The following RND3 variants were observed in gnomAD, a reference collection of about 807,000 sequenced individuals.
The protein encoded by RND3 is rho-related GTP-binding protein RhoE.
Under a neutral mutation model 26.5 loss-of-function variants are expected in RND3, and 8 were observed. The observed-to-expected ratio is 0.30, with a 90% CI of 0.18 to 0.54. The LOEUF is 0.54. Ranked by LOEUF, RND3 falls within the 20% of genes least tolerant of loss-of-function variation. RND3 has a pLI of 0.94. For missense variants in RND3, 207 were observed against 302.8 expected (o/e 0.68, Z 2.35); for synonymous variants, 113 against 113.0 (o/e 1.00, Z 0.00).
At position 150,474,139 on chromosome 2, in the gene RND3, C is replaced by T. The variant is rs188096318; in HGVS notation, c.348+736G>A. ...GTCTCAACTGCTGAAGGTCAAGAAA[C>T]GCCCCTTCCTCCCACTGGCCTCCCT... On this transcript the variant is annotated intron_variant, in intron 4 of 5. Coordinates refer to ENST00000263895, the MANE Select transcript of RND3 (RefSeq NM_005168.5). 7.9e-5 allele frequency among the ~76,000 whole-genome samples: 12 copies of T among 152,294 alleles called. No homozygotes were observed. The South Asian group carries it at 1.0e-3, about 13-fold the overall frequency.
At chr2:150,476,296 C>G (rs1254804247) in intron 3 of RND3, among the ~76,000 whole-genome samples, 1 of 152,192 alleles carries the variant, frequency 6.6e-6, no homozygotes, top group Non-Finnish European at 1.5e-5. Context: ...GAAAAAATGT[C>G]ACTGTTTATA....
At chr2:150,483,222 G>T (rs992920126) in intron 3 of RND3, among the ~76,000 whole-genome samples, 4 of 152,130 alleles carry the variant, frequency 2.6e-5, no homozygotes, top group African/African-American at 9.7e-5. Flanking sequence ...GGCAAAAGTA[G>T]ACCCCTTATG....
chr2:150,487,474 A>AAAAAAAAAAATATATATATAT lies in RND3; in HGVS notation c.-38-20_-38-19insATATATATATATTTTTTTTTT. On this transcript the variant is annotated intron_variant, in intron 1 of 5. Transcript: ENST00000263895. ...ATTTTCTCTTAAGAAGAAAAAAAAA[A>AAAAAAAAAAATATATATATAT]ATATATATATATATATATATTTCTC... 5 of 196,036 alleles carry AAAAAAAAAAATATATATATAT rather than the reference A, an allele frequency of 2.6e-5. No individual in the cohort carries two copies. Among genetic ancestry groups the AAAAAAAAAAATATATATATAT allele is most frequent in the Non-Finnish European group, 2.7e-5 (3 of 111,030 alleles). The allele number at this position is 196,036 out of a possible 1,614,324, so 12.1% of individuals were successfully genotyped here.
At position 150,469,726 on chromosome 2, in the gene RND3, C is replaced by T. The variant is rs1686051103; in HGVS notation, c.*261G>A. On this transcript the variant is annotated 3_prime_UTR_variant, in exon 6 of 6. Transcript: ENST00000263895. ...GGTACTCGCATCCCCCCTCATCTTC[C>T]TCTAGCTCATTTGTATCTCTCATTT... is the stretch of plus-strand genomic sequence containing the variant. 6.8e-6 allele frequency: 3 copies of T among 439,024 alleles called. 1 individual carries two copies. The East Asian group carries it at 1.1e-4, about 17-fold the overall frequency. 27.2% of individuals were successfully genotyped at this position (439,024 alleles called of 1,614,324 possible).
chr2:150,487,425 G>A lies in RND3; in HGVS notation c.-8C>T. 7.0e-7 allele frequency: 1 copy of A among 1,426,822 alleles called. No individual in the cohort carries two copies. 88.4% of individuals were successfully genotyped at this position (1,426,822 alleles called of 1,614,324 possible). On this transcript the variant is annotated 5_prime_UTR_variant, in exon 2 of 6. Coordinates refer to ENST00000263895, the MANE Select transcript of RND3 (RefSeq NM_005168.5). ...GGCTCTTCTCTCCTTCATTGATGTTGCCTTATTTTCTCTTGGAACAGGAAT... is the reference window on the plus strand; with the variant it reads ...GGCTCTTCTCTCCTTCATTGATGTTACCTTATTTTCTCTTGGAACAGGAAT...
intron 5 of RND3, among the ~76,000 whole-genome samples, 165 bp from the exon 6 acceptor site, chr2:150,470,403 A>G (rs1686068196): frequency 6.6e-6 from 1 of 152,180 alleles, no homozygotes; most frequent in Non-Finnish European, 1.5e-5. Flanking sequence ...TAAAATGTAA[A>G]CTGCCTTATT....
chr2:150,470,578 A>G (rs772925701), intron 5 of RND3, among the ~76,000 whole-genome samples: 1 of 152,168 alleles, frequency 6.6e-6, no homozygotes, highest in Non-Finnish European at 1.5e-5. Context: ...AGAAGTGTAG[A>G]GTGGAGCTAA....
intron 4 of RND3, among the ~76,000 whole-genome samples, chr2:150,473,898 C>T (rs942908560): frequency 6.6e-6 from 1 of 152,260 alleles, no homozygotes; most frequent in Non-Finnish European, 1.5e-5. Flanking sequence ...CATACTCAGA[C>T]TGGGCTGCAT....
chr2:150,485,419 A>G (rs1483696278), intron 3 of RND3: 1 of 152,220 alleles, frequency 6.6e-6, no homozygotes, highest in Non-Finnish European at 1.5e-5. Flanking sequence ...AAACACCTCC[A>G]CGAGGCCACT....
rs180923553 is a variant in RND3, at chr2:150,482,742, C to T, written c.238+3952G>A. Among the ~76,000 whole-genome samples the T allele has an allele frequency of 5.1e-3, 421 of 83,018 alleles. 2 individuals are homozygous for T. Among genetic ancestry groups the T allele is most frequent in the African/African-American group, 0.018 (401 of 22,488 alleles). The allele number at this position is 83,018 out of a possible 152,430, so 54.5% of individuals were successfully genotyped here. Reference sequence around the variant, plus strand: ...ATGGGCGGGGGTGGGGGGGGCGGTGCGGGGGTAGCTGTTTCCTATCTGAAG... The same window carrying T: ...ATGGGCGGGGGTGGGGGGGGCGGTGTGGGGGTAGCTGTTTCCTATCTGAAG... On this transcript the variant is annotated intron_variant, in intron 3 of 5. Coordinates refer to ENST00000263895, the MANE Select transcript of RND3 (RefSeq NM_005168.5).
At chr2:150,487,078 C>G (rs1029186452) in intron 2 of RND3, 190 bp downstream of exon 2, 1 of 614,650 alleles carries the variant, frequency 1.6e-6, no homozygotes, top group Non-Finnish European at 2.8e-6. Context: ...CGTCCCAACC[C>G]TAAAAGCTTC....
chr2:150,473,952 G>A (rs115747599), intron 4 of RND3, among the ~76,000 whole-genome samples: 195 of 152,316 alleles, frequency 1.3e-3, no homozygotes, highest in African/African-American at 4.5e-3. Context: ...AGCCACATCC[G>A]GTGTTGAAGC....
intron 5 of RND3, among the ~76,000 whole-genome samples, chr2:150,470,950 A>C (rs1686078650): frequency 6.6e-6 from 1 of 152,180 alleles, no homozygotes; most frequent in Admixed American, 6.5e-5. Flanking sequence ...AAGGAATAAT[A>C]CTATTGTAAC....
rs1054378795 is a variant in RND3, at chr2:150,487,306, C to A, written c.112G>T (p.Ala38Ser). 1 of 1,604,210 alleles carries A rather than the reference C, an allele frequency of 6.2e-7. No homozygotes were observed. Among genetic ancestry groups the A allele is most frequent in the Non-Finnish European group, 8.5e-7 (1 of 1,174,868 alleles). Residue 38 changes from alanine (A) to serine (S), a missense_variant, in exon 2 of 6, where the codon GCG becomes TCG. By Grantham distance (99) the Ala-to-Ser change is moderately conservative (BLOSUM62 1). Transcript: ENST00000263895. ...VVGDSQCGKT[A>S]LLHVFAKDCF... Reference sequence around the variant, plus strand: ...TCCTTGGCGAAGACATGGAGCAGCGCAGTTTTTCCACACTGACTGTCTCCC... The same window carrying A: ...TCCTTGGCGAAGACATGGAGCAGCGAAGTTTTTCCACACTGACTGTCTCCC...
chr2:150,473,979 G>A (rs1458554616), intron 4 of RND3, among the ~76,000 whole-genome samples: 1 of 152,214 alleles, frequency 6.6e-6, no homozygotes, highest in Non-Finnish European at 1.5e-5. Context: ...GTGGAGGAGA[G>A]GGAGTGCTCC....
At chr2:150,479,442 C>A (rs891899649) in intron 3 of RND3, among the ~76,000 whole-genome samples, 1 of 152,166 alleles carries the variant, frequency 6.6e-6, no homozygotes, top group Non-Finnish European at 1.5e-5. Context: ...ACTGAAAACT[C>A]TTCTTGTTGA....
At chr2:150,484,789 T>A (rs943548819) in intron 3 of RND3, among the ~76,000 whole-genome samples, 1 of 152,092 alleles carries the variant, frequency 6.6e-6, no homozygotes, top group African/African-American at 2.4e-5. Context: ...CACACAGAAA[T>A]CCATGGTAAC....
Position 150,487,472 on chromosome 2 carries a change from A to ATATATATATATATATATATATAT in RND3, c.-38-18_-38-17insATATATATATATATATATATATA, listed in dbSNP as rs1395547619. ...GAATTTTCTCTTAAGAAGAAAAAAA[A>ATATATATATATATATATATATAT]AAATATATATATATATATATATTTC... On this transcript the variant is annotated splice_polypyrimidine_tract_variant and intron_variant, in intron 1 of 5. Coordinates refer to ENST00000263895, the MANE Select transcript of RND3 (RefSeq NM_005168.5). The ATATATATATATATATATATATAT allele has an allele frequency of 2.6e-4, 91 of 344,874 alleles. No homozygotes were observed. The highest frequency in any genetic ancestry group is 5.9e-4 in the Admixed American group (7 of 11,952). The allele number at this position is 344,874 out of a possible 1,614,324, so 21.4% of individuals were successfully genotyped here.
At chr2:150,485,538 G>T (rs1230026750) in intron 3 of RND3, among the ~76,000 whole-genome samples, 1 of 152,194 alleles carries the variant, frequency 6.6e-6, no homozygotes, top group Non-Finnish European at 1.5e-5. Flanking sequence ...GGCTCGGTCC[G>T]CCAGCAACCC....
Sources: allele counts gnomAD v4.1 joint callset (sites outside exome capture counted in the v4.1 genomes callset), GRCh38; gene constraint gnomAD v4.1.1; transcripts MANE v1.5; gene names NCBI Gene and HGNC (gene_info 2026-07-23, HGNC 2026-07-21).